The following CDKAL1 variants were observed in gnomAD, a reference collection of about 807,000 sequenced individuals.
The protein encoded by CDKAL1 is threonylcarbamoyladenosine tRNA methylthiotransferase.
Under a neutral mutation model 68.2 loss-of-function variants are expected in CDKAL1, and 32 were observed. The ratio of observed to expected loss-of-function variants is 0.47; its 90% confidence interval spans 0.35 to 0.63. The LOEUF is 0.63. Ranked by LOEUF, CDKAL1 falls within the 30% of genes least tolerant of loss-of-function variation. The pLI is 0.00. For synonymous variants in CDKAL1, 234 were observed against 244.3 expected, an observed-to-expected ratio of 0.96 and a Z score of 0.39; for missense variants, 606 against 696.7, an observed-to-expected ratio of 0.87 and a Z score of 1.47.
chr6:20,988,204 G>GTGTGTGTA (rs1554153555), intron 10 of CDKAL1, among the ~76,000 whole-genome samples: 1 of 151,498 alleles, frequency 6.6e-6, no homozygotes, highest in Non-Finnish European at 1.5e-5. Flanking sequence ...GTGTGTGTGT[G>GTGTGTGTA]TGTGTGTGTG....
chr6:20,929,425 A>G (rs1380976316), intron 9 of CDKAL1, among the ~76,000 whole-genome samples: 2 of 152,226 alleles, frequency 1.3e-5, no homozygotes, highest in Non-Finnish European at 2.9e-5. Flanking sequence ...GTTCCCTCAC[A>G]GAGGCAGTGG....
intron 4 of CDKAL1, among the ~76,000 whole-genome samples, chr6:20,553,979 C>T (rs1484849111): frequency 6.6e-6 from 1 of 150,952 alleles, no homozygotes; most frequent in African/African-American, 2.4e-5. Context: ...GGTACCATGC[C>T]TGACTAATTT....
chr6:21,123,457 A>G (rs143337329), intron 13 of CDKAL1, among the ~76,000 whole-genome samples: 1 of 152,158 alleles, frequency 6.6e-6, no homozygotes, highest in Non-Finnish European at 1.5e-5. Flanking sequence ...CTCCATCTCA[A>G]AACAAAACAA....
intron 5 of CDKAL1, among the ~76,000 whole-genome samples, chr6:20,695,442 A>G (rs1295604882): frequency 6.6e-6 from 1 of 152,150 alleles, no homozygotes; most frequent in African/African-American, 2.4e-5. Flanking sequence ...GATGCTCTGG[A>G]TGGACATCAT....
chr6:20,997,014 A>G (rs1767154538), intron 10 of CDKAL1, among the ~76,000 whole-genome samples: 1 of 152,178 alleles, frequency 6.6e-6, no homozygotes. Context: ...TGAAATTACA[A>G]TTTACACCTC....
intron 4 of CDKAL1, among the ~76,000 whole-genome samples, chr6:20,625,497 C>T (rs574843544): frequency 1.3e-5 from 2 of 152,204 alleles, no homozygotes; most frequent in African/African-American, 4.8e-5. Context: ...TTCTGAATAT[C>T]TCTTTAACTT....
At chr6:20,906,379 T>C (rs1408717154) in intron 9 of CDKAL1, among the ~76,000 whole-genome samples, 5 of 152,122 alleles carry the variant, frequency 3.3e-5, no homozygotes, top group Non-Finnish European at 5.9e-5. Context: ...TAAATCCAAA[T>C]TAGAGTGCTA....
intron 5 of CDKAL1, among the ~76,000 whole-genome samples, chr6:20,671,397 C>T (rs956331479): frequency 6.6e-6 from 1 of 152,178 alleles, no homozygotes; most frequent in Non-Finnish European, 1.5e-5. Flanking sequence ...GCATATGTCA[C>T]AGGCATATTC....
intron 5 of CDKAL1, among the ~76,000 whole-genome samples, chr6:20,698,163 T>C (rs1771187154): frequency 6.6e-6 from 1 of 152,200 alleles, no homozygotes; most frequent in Non-Finnish European, 1.5e-5. Flanking sequence ...TGTCTGTCTG[T>C]AACATAGTGG....
At chr6:20,962,096 G>A (rs1003881208) in intron 10 of CDKAL1, among the ~76,000 whole-genome samples, 1 of 152,020 alleles carries the variant, frequency 6.6e-6, no homozygotes. Context: ...TGCTTATTAA[G>A]GACTATTCCT....
At chr6:21,131,181 A>G (rs920294077) in intron 13 of CDKAL1, among the ~76,000 whole-genome samples, 8 of 152,328 alleles carry the variant, frequency 5.3e-5, no homozygotes, top group South Asian at 4.1e-4. Flanking sequence ...AGTAAGTGCT[A>G]CTTTTTTTCA....
rs115684314 is a variant in CDKAL1 at position 20,868,105 on chromosome 6, G to A, written c.742+21927G>A. Among the ~76,000 whole-genome samples the A allele has an allele frequency of 3.6e-3, 544 of 152,152 alleles. 4 individuals are homozygous for A. Among genetic ancestry groups the A allele is most frequent in the African/African-American group, 0.011 (476 of 41,504 alleles). ...TTTAATTAGTTCAGAGACACACATA[G>A]GCATACACTCATGCATGAGGAGAAT... is the stretch of plus-strand genomic sequence containing the variant. On this transcript the variant is annotated intron_variant, in intron 9 of 15. Transcript: ENST00000274695.
intron 5 of CDKAL1, among the ~76,000 whole-genome samples, chr6:20,720,384 CAT>C (rs146059614): frequency 0.01 from 1,548 of 152,270 alleles, 28 homozygotes; most frequent in African/African-American, 0.036. Context: ...ACGTACAGCA[CAT>C]GTTTGTTAAC....
chr6:21,208,945 C>A (rs1417540142), intron 15 of CDKAL1, among the ~76,000 whole-genome samples: 1 of 152,210 alleles, frequency 6.6e-6, no homozygotes, highest in East Asian at 1.9e-4. Context: ...TGATGCTAAA[C>A]AATTAGCTTT....
chr6:21,207,990 G>A (rs1779005138), intron 15 of CDKAL1, among the ~76,000 whole-genome samples: 1 of 151,500 alleles, frequency 6.6e-6, no homozygotes, highest in African/African-American at 2.4e-5. Context: ...CTTACGGACA[G>A]ACATTTCTTC....
chr6:20,749,616 C>T lies in CDKAL1; in HGVS notation c.469-8979C>T, dbSNP rs534316529. Among the ~76,000 whole-genome samples the T allele has an allele frequency of 6.6e-4, 100 of 151,728 alleles. 1 individual carries two copies. The highest frequency in any genetic ancestry group is 1.3e-3 in the Non-Finnish European group (85 of 67,936). On this transcript the variant is annotated intron_variant, in intron 6 of 15. Coordinates refer to ENST00000274695, the MANE Select transcript of CDKAL1 (RefSeq NM_017774.3). ...AGGCTAGAGTGCAGTGGCACGATCT[C>T]GGCTCACTGCAAGCTCCGCCTCCTG...
intron 8 of CDKAL1, among the ~76,000 whole-genome samples, chr6:20,810,627 GGTGTGTGTGTGTGTGTGT>G (rs57000695): frequency 7.4e-6 from 1 of 134,670 alleles, no homozygotes; most frequent in African/African-American, 2.8e-5. Flanking sequence ...TGTATGTATG[GGTGTGTGTGTGTGTGTGT>G]GTGTGTGTGT....
At chr6:20,726,198 C>T (rs986063745) in intron 5 of CDKAL1, among the ~76,000 whole-genome samples, 1 of 152,108 alleles carries the variant, frequency 6.6e-6, no homozygotes, top group East Asian at 1.9e-4. Flanking sequence ...GTCTCCACAA[C>T]CCCCCAGACA....
intron 14 of CDKAL1, among the ~76,000 whole-genome samples, chr6:21,198,737 G>A (rs1455589490): frequency 1.3e-5 from 2 of 152,184 alleles, no homozygotes; most frequent in African/African-American, 2.4e-5. Flanking sequence ...CCCTAGGGGC[G>A]CCCCCAATTA....
Sources: gnomAD v4.1 joint callset for allele counts (sites outside exome capture counted in the v4.1 genomes callset) on GRCh38, gnomAD v4.1.1 for gene constraint, MANE v1.5 for transcripts, NCBI Gene and HGNC (gene_info 2026-07-23, HGNC 2026-07-21) for gene names.